PRTG: variants seen among roughly 807,000 people sequenced by gnomAD.
PRTG encodes the protein immunoglobulin superfamily, DCC subclass, member 5.
A neutral mutation model predicts 122.5 loss-of-function variants in PRTG; 67 were observed. The ratio of observed to expected loss-of-function variants is 0.55; its 90% CI spans 0.45 to 0.67. PRTG has a LOEUF of 0.67. Ranked by LOEUF, PRTG falls within the 30% of genes least tolerant of loss-of-function variation. The pLI is 0.00. For missense variants in PRTG, 1,435 were observed against 1,415.4 expected, an observed-to-expected ratio of 1.01 and a Z score of -0.22; for synonymous variants, 554 against 501.1, an observed-to-expected ratio of 1.11 and a Z score of -1.41.
intron 15 of PRTG, among the ~76,000 whole-genome samples, chr15:55,631,294 T>G (rs558512901): frequency 6.6e-6 from 1 of 152,214 alleles, no homozygotes; most frequent in Non-Finnish European, 1.5e-5. Flanking sequence ...AACATTTCCA[T>G]GTCTTCACAA....
chr15:55,638,793 T>G (rs1414527189), intron 13 of PRTG, 117 bp from the exon 14 acceptor site: 8 of 823,740 alleles, frequency 9.7e-6, no homozygotes, highest in Non-Finnish European at 1.5e-5. Flanking sequence ...CTCCTTATTT[T>G]ATATGAAAAA....
intron 2 of PRTG, among the ~76,000 whole-genome samples, chr15:55,724,893 G>C (rs187354767): frequency 1.3e-5 from 2 of 152,286 alleles, no homozygotes; most frequent in East Asian, 3.9e-4. Flanking sequence ...CATTACCATT[G>C]ACCTACTCTA....
At chr15:55,707,825 G>T (rs978853921) in intron 2 of PRTG, among the ~76,000 whole-genome samples, 50 of 152,146 alleles carry the variant, frequency 3.3e-4, no homozygotes, top group African/African-American at 1.2e-3. Flanking sequence ...CAGAAAAGAT[G>T]AATAAAACTG....
At chr15:55,706,762 G>T (rs1009414083) in intron 2 of PRTG, among the ~76,000 whole-genome samples, 2 of 152,042 alleles carry the variant, frequency 1.3e-5, no homozygotes, top group African/African-American at 4.8e-5. Flanking sequence ...TGAAAACCTT[G>T]TCTCTTAAAA....
chr15:55,735,718 TAA>T (rs35182605), intron 2 of PRTG, among the ~76,000 whole-genome samples: 2,669 of 114,232 alleles, frequency 0.023, 89 homozygotes, highest in African/African-American at 0.084. Context: ...CATGCTTTGC[TAA>T]AAAAAAAAAA....
rs991091415 is a variant in PRTG at position 55,692,700 on chromosome 15, T to C, written c.398-8769A>G. Among the ~76,000 whole-genome samples, 9 of 152,090 alleles carry C rather than the reference T, an allele frequency of 5.9e-5. No homozygotes were observed. In the South Asian group the frequency reaches 1.2e-3, roughly 21 times the overall value. Reference sequence around the variant, plus strand: ...TTTTTGATTTACAGCTGTTCTACAATGATAAGTCTTGATTTTTTCACTAAT... The same window carrying C: ...TTTTTGATTTACAGCTGTTCTACAACGATAAGTCTTGATTTTTTCACTAAT... On this transcript the variant is annotated intron_variant, in intron 2 of 19. Coordinates refer to ENST00000389286, the MANE Select transcript of PRTG (RefSeq NM_173814.6).
At position 55,618,537 on chromosome 15, in the gene PRTG, G is replaced by T. The variant is rs1386238710; in HGVS notation, c.*1475C>A. 1 of 152,184 alleles carries T rather than the reference G, an allele frequency of 6.6e-6. No individual in the cohort carries two copies. The highest frequency in any genetic ancestry group is 2.4e-5 in the African/African-American group (1 of 41,450). 9.4% of individuals were successfully genotyped at this position (152,184 alleles called of 1,614,324 possible). ...GTCTCATGACGGAGAAAAGGCCTAT[G>T]TTATGTAGCTGAGTAAACAATTTGC... is the stretch of plus-strand genomic sequence containing the variant. On this transcript the variant is annotated 3_prime_UTR_variant, in exon 20 of 20. Coordinates refer to ENST00000389286, the MANE Select transcript of PRTG (RefSeq NM_173814.6).
chr15:55,699,090 TA>T (rs1382392688), intron 2 of PRTG, among the ~76,000 whole-genome samples: 1 of 152,154 alleles, frequency 6.6e-6, no homozygotes, highest in Non-Finnish European at 1.5e-5. Flanking sequence ...AACTTTATAT[TA>T]TAGGATTTTT....
intron 11 of PRTG, among the ~76,000 whole-genome samples, chr15:55,664,864 C>A (rs192372822): frequency 6.6e-6 from 1 of 151,780 alleles, no homozygotes; most frequent in Admixed American, 6.6e-5. Flanking sequence ...TGGGATTATA[C>A]GTGTGAGCCA....
chr15:55,641,540 A>G (rs959379059), intron 11 of PRTG, among the ~76,000 whole-genome samples: 1 of 152,130 alleles, frequency 6.6e-6, no homozygotes, highest in Non-Finnish European at 1.5e-5. Context: ...AGTTTGCTTG[A>G]TGGATCACTT....
intron 2 of PRTG, among the ~76,000 whole-genome samples, chr15:55,720,307 A>T (rs2030765595): frequency 6.6e-6 from 1 of 152,030 alleles, no homozygotes; most frequent in Admixed American, 6.6e-5. Context: ...CAGTGAGTTG[A>T]GATAGTGCCA....
intron 2 of PRTG, among the ~76,000 whole-genome samples, chr15:55,704,949 C>T (rs560427439): frequency 1.3e-5 from 2 of 152,174 alleles, no homozygotes; most frequent in Non-Finnish European, 2.9e-5. Context: ...AATATTGTAA[C>T]TTTTTTAAAA....
At chr15:55,620,884 AT>A in intron 18 of PRTG, 117 bp from the exon 19 acceptor site, 1 of 895,872 alleles carries the variant, frequency 1.1e-6, no homozygotes. Context: ...TTTCATTTTT[AT>A]TTTATTTTAG....
intron 2 of PRTG, among the ~76,000 whole-genome samples, chr15:55,705,210 G>A (rs1195120777): frequency 6.6e-6 from 1 of 152,112 alleles, no homozygotes; most frequent in African/African-American, 2.4e-5. Flanking sequence ...TCCACTCAAG[G>A]AGTCCATCAT....
At chr15:55,689,091 T>A (rs891576332) in intron 2 of PRTG, among the ~76,000 whole-genome samples, 1 of 152,200 alleles carries the variant, frequency 6.6e-6, no homozygotes, top group East Asian at 1.9e-4. Flanking sequence ...CAGCCTCTTA[T>A]CTTGTTTCTG....
rs1013700875 is a variant in PRTG, at chr15:55,677,838, T to C, written c.1340A>G (p.Asp447Gly). 3.7e-6 allele frequency: 6 copies of C among 1,613,928 alleles called. No homozygotes were observed. The highest frequency in any genetic ancestry group is 1.1e-5 in the South Asian group (1 of 91,070). The change falls in exon 8 of 20, where the codon GAC becomes GGC. Residue 447 changes from aspartate to glycine, a missense_variant. Coordinates refer to ENST00000389286, the MANE Select transcript of PRTG (RefSeq NM_173814.6). ...LAWERPLYNS[D>G]KVIAYSVHYM... ...GTGTACAGAATAGGCAATGACTTTGTCTGAATTATAAAGTGGCCTCTCCCA... is the reference window on the plus strand; with the variant it reads ...GTGTACAGAATAGGCAATGACTTTGCCTGAATTATAAAGTGGCCTCTCCCA...
intron 15 of PRTG, among the ~76,000 whole-genome samples, chr15:55,635,409 A>G (rs1434315415): frequency 6.6e-6 from 1 of 152,084 alleles, no homozygotes; most frequent in Non-Finnish European, 1.5e-5. Flanking sequence ...CCGTTTTTAG[A>G]CTACTCAGAG....
intron 11 of PRTG, among the ~76,000 whole-genome samples, chr15:55,650,864 T>G (rs1595620280): frequency 6.6e-6 from 1 of 151,960 alleles, no homozygotes; most frequent in Admixed American, 6.6e-5. Flanking sequence ...CTACTTGGTA[T>G]GCTTAGGTAG....
In PRTG at chr15:55,740,587, T is replaced by G; in HGVS notation, c.192A>C (p.Gly64=). The G allele has an allele frequency of 1.9e-6, 3 of 1,613,512 alleles. No homozygotes were observed. Among genetic ancestry groups the G allele is most frequent in the Non-Finnish European group, 2.5e-6 (3 of 1,179,752 alleles). The change falls in exon 2 of 20, where the codon GGA becomes GGC. Residue 64 remains glycine (G), a synonymous_variant. Transcript: ENST00000389286. ...ACCATGTGACCTTAATAGGAACTTCTCCGTGAGCCTGGCAATCTAAAACGA... is the reference window on the plus strand; with the variant it reads ...ACCATGTGACCTTAATAGGAACTTCGCCGTGAGCCTGGCAATCTAAAACGA... ...DPVVLDCQAH[G]EVPIKVTWLK...
Sources: allele counts gnomAD v4.1 joint callset (sites outside exome capture counted in the v4.1 genomes callset), GRCh38; gene constraint gnomAD v4.1.1; transcripts MANE v1.5; gene names NCBI Gene and HGNC (gene_info 2026-07-23, HGNC 2026-07-21).